Variants in PDE4D observed in about 807,000 individuals in gnomAD.
PDE4D encodes the protein 3',5'-cyclic-AMP phosphodiesterase 4D.
Under a neutral mutation model 87.4 loss-of-function variants are expected in PDE4D, and 24 were observed. The observed-to-expected ratio is 0.27, with a 90% CI of 0.20 to 0.39. PDE4D has a LOEUF of 0.39. Among genes scored for constraint, PDE4D ranks in the 10% least tolerant of loss-of-function variants. PDE4D has a pLI of 1.00. For synonymous variants in PDE4D, 384 were observed against 383.2 expected (o/e 1.00, Z -0.02); for missense variants, 714 against 1,041.0 (o/e 0.69, Z 4.32).
chr5:59,908,539 C>A (rs1581694075), intron 3 of PDE4D, among the ~76,000 whole-genome samples: 1 of 152,118 alleles, frequency 6.6e-6, no homozygotes, highest in Non-Finnish European at 1.5e-5. Context: ...AAGCTAGAAC[C>A]TAGCCATAAT....
At chr5:59,774,429 AAG>A (rs1247037691) in intron 1 of PDE4D, among the ~76,000 whole-genome samples, 3 of 152,188 alleles carry the variant, frequency 2.0e-5, no homozygotes, top group Non-Finnish European at 2.9e-5. Flanking sequence ...CAGTTTTTTT[AAG>A]AGTTTCTAGA....
At chr5:59,771,132 AAAATAAATAAATAAAT>A (rs201697322) in intron 1 of PDE4D, among the ~76,000 whole-genome samples, 5 of 143,152 alleles carry the variant, frequency 3.5e-5, no homozygotes, top group African/African-American at 1.3e-4. Flanking sequence ...ACCCAGCCTC[AAAATAAATAAATAAAT>A]AAATAAATAA....
At chr5:59,303,720 G>A (rs981176189) in intron 1 of PDE4D, among the ~76,000 whole-genome samples, 9 of 152,028 alleles carry the variant, frequency 5.9e-5, no homozygotes, top group East Asian at 5.8e-4. Flanking sequence ...GTTTATCTCC[G>A]GGTTCTCTAT....
intron 1 of PDE4D, among the ~76,000 whole-genome samples, chr5:59,488,001 G>C (rs1805455813): frequency 6.6e-6 from 1 of 151,810 alleles, no homozygotes; most frequent in African/African-American, 2.4e-5. Flanking sequence ...TGTACACAGA[G>C]ACACAGAGAC....
At chr5:60,077,216 C>T (rs1357007345) in intron 2 of PDE4D, among the ~76,000 whole-genome samples, 1 of 152,162 alleles carries the variant, frequency 6.6e-6, no homozygotes, top group Non-Finnish European at 1.5e-5. Flanking sequence ...GGGGTGTTGG[C>T]AACAAGGTGC....
chr5:59,073,684 C>T (rs962669250), intron 5 of PDE4D, among the ~76,000 whole-genome samples: 1 of 152,090 alleles, frequency 6.6e-6, no homozygotes, highest in Non-Finnish European at 1.5e-5. Flanking sequence ...CCTCCCAGGA[C>T]CAGGATGAAC....
chr5:60,310,736 C>T (rs979922127), intron 1 of PDE4D, among the ~76,000 whole-genome samples: 3 of 152,242 alleles, frequency 2.0e-5, no homozygotes, highest in Non-Finnish European at 4.4e-5. Context: ...TTCTGACACA[C>T]TTCTTCCTGA....
At chr5:59,733,071 G>A (rs1757602804) in intron 1 of PDE4D, among the ~76,000 whole-genome samples, 1 of 152,070 alleles carries the variant, frequency 6.6e-6, no homozygotes, top group South Asian at 2.1e-4. Context: ...GTCCTTGTTT[G>A]CAAAGTTTTC....
In PDE4D at chr5:58,974,603, A is replaced by C; in HGVS notation, c.*61T>G. On this transcript the variant is annotated 3_prime_UTR_variant, in exon 15 of 15. Coordinates refer to ENST00000340635, the MANE Select transcript of PDE4D (RefSeq NM_001104631.2). ...TGTGACCGTGGTTGTGGCATGTGAC[A>C]TGCACTTTGGAAACAATTTTTCTAC... The C allele has an allele frequency of 6.8e-7, 1 of 1,463,972 alleles. No homozygotes were observed. The highest frequency in any genetic ancestry group is 9.2e-7 in the Non-Finnish European group (1 of 1,088,480). 90.7% of individuals were successfully genotyped at this position (1,463,972 alleles called of 1,614,324 possible).
chr5:60,200,615 A>G (rs1249243237), intron 1 of PDE4D, among the ~76,000 whole-genome samples: 2 of 152,176 alleles, frequency 1.3e-5, no homozygotes, highest in African/African-American at 4.8e-5. Context: ...ATGACAGTCA[A>G]TGCAAGTATG....
intron 1 of PDE4D, among the ~76,000 whole-genome samples, chr5:59,420,885 G>A (rs540841835): frequency 3.7e-4 from 57 of 152,160 alleles, no homozygotes; most frequent in African/African-American, 1.4e-3. Flanking sequence ...TTTTCAGTCA[G>A]GGTAGCAGGG....
chr5:60,164,873 T>A (rs1433711624), intron 2 of PDE4D, among the ~76,000 whole-genome samples: 1 of 152,204 alleles, frequency 6.6e-6, no homozygotes, highest in Admixed American at 6.5e-5. Context: ...ATGCATCAAC[T>A]TACATAGTTA....
Position 59,351,129 on chromosome 5 carries a change from G to A in PDE4D, c.456-135161C>T, listed in dbSNP as rs116736364. On this transcript the variant is annotated intron_variant, in intron 1 of 14. Transcript: ENST00000340635. ...AGTTGGCAGGTAGTCCTGCATTCAC[G>A]TACATGCTTTCATCTAATCTGCACA... is the stretch of plus-strand genomic sequence containing the variant. Among the ~76,000 whole-genome samples, 679 of 152,258 alleles carry A rather than the reference G, an allele frequency of 4.5e-3. 4 individuals are homozygous for A. The highest frequency in any genetic ancestry group is 0.016 in the African/African-American group (652 of 41,546).
At chr5:60,259,095 T>C (rs1284086940) in intron 1 of PDE4D, among the ~76,000 whole-genome samples, 1 of 152,070 alleles carries the variant, frequency 6.6e-6, no homozygotes, top group Non-Finnish European at 1.5e-5. Flanking sequence ...GGAAAAAATG[T>C]CTGAGCCACT....
chr5:59,260,370 A>G, intron 1 of PDE4D, among the ~76,000 whole-genome samples: 1 of 151,870 alleles, frequency 6.6e-6, no homozygotes, highest in East Asian at 1.9e-4. Flanking sequence ...TGAAATGCCT[A>G]AAGCAATTGG....
intron 1 of PDE4D, among the ~76,000 whole-genome samples, chr5:60,398,066 T>C (rs1300349997): frequency 6.6e-6 from 1 of 152,178 alleles, no homozygotes; most frequent in Non-Finnish European, 1.5e-5. Context: ...GAGGTTTTGC[T>C]TTGGGAGGAG....
chr5:59,933,567 C>T (rs1756212276), intron 3 of PDE4D, among the ~76,000 whole-genome samples: 1 of 152,140 alleles, frequency 6.6e-6, no homozygotes, highest in Non-Finnish European at 1.5e-5. Context: ...TATGTCCTCA[C>T]ACTTATGTGA....
At chr5:58,978,258 T>TA (rs1196333558) in intron 11 of PDE4D, among the ~76,000 whole-genome samples, 1 of 108,640 alleles carries the variant, frequency 9.2e-6, no homozygotes, top group Non-Finnish European at 2.0e-5. Context: ...CGACAAATAA[T>TA]AAAAAATTAT....
In PDE4D at chr5:58,969,049, T is replaced by A. The variant is rs1047336805; in HGVS notation, c.*5615A>T. 1 of 152,184 alleles carries A rather than the reference T, an allele frequency of 6.6e-6. No individual in the cohort carries two copies. The highest frequency in any genetic ancestry group is 1.5e-5 in the Non-Finnish European group (1 of 68,036). The allele number at this position is 152,184 out of a possible 1,614,324, so 9.4% of individuals were successfully genotyped here. A position where few individuals can be genotyped will look rare whatever the true frequency, so the allele number is the denominator to read the frequency against. The stretch of plus-strand genomic sequence containing the variant: ...AAAAACAAACAAAGTTTTTATGGTA[T>A]CAAGTTAAAAACTCTTTAATATCTC... On this transcript the variant is annotated 3_prime_UTR_variant, in exon 15 of 15. Coordinates refer to ENST00000340635, the MANE Select transcript of PDE4D (RefSeq NM_001104631.2).
Sources: gnomAD v4.1 joint callset for allele counts (sites outside exome capture counted in the v4.1 genomes callset) on GRCh38, gnomAD v4.1.1 for gene constraint, MANE v1.5 for transcripts, NCBI Gene and HGNC (gene_info 2026-07-23, HGNC 2026-07-21) for gene names.